RASGRF2: variants seen among roughly 807,000 people sequenced by gnomAD.
The protein encoded by RASGRF2 is ras-specific guanine nucleotide-releasing factor 2.
A neutral mutation model predicts 151.0 loss-of-function variants in RASGRF2; 76 were observed. The ratio of observed to expected loss-of-function variants is 0.50; its 90% CI spans 0.42 to 0.61. The LOEUF (loss-of-function observed/expected upper bound fraction) is 0.61. RASGRF2 is among the 20% of genes least tolerant of loss of function. The pLI, the probability that RASGRF2 is intolerant of heterozygous loss-of-function variation, is 0.00. For missense variants in RASGRF2, 1,148 were observed against 1,564.6 expected, an observed-to-expected ratio of 0.73 and a Z score of 4.49; for synonymous variants, 504 against 566.5, an observed-to-expected ratio of 0.89 and a Z score of 1.57.
At chr5:80,964,210 G>C (rs953047397) in intron 1 of RASGRF2, among the ~76,000 whole-genome samples, 1 of 152,098 alleles carries the variant, frequency 6.6e-6, no homozygotes, top group Admixed American at 6.5e-5. Context: ...GATAGCAATG[G>C]TGATATAATC....
intron 17 of RASGRF2, among the ~76,000 whole-genome samples, chr5:81,134,937 AATT>A (rs1753717289): frequency 2.0e-5 from 3 of 151,792 alleles, no homozygotes; most frequent in African/African-American, 7.2e-5. Flanking sequence ...CTGTTGTAGT[AATT>A]ATTCTCTAGT....
At chr5:81,108,902 T>G (rs1752920521) in intron 12 of RASGRF2, 94 bp from the exon 13 acceptor site, 7 of 1,426,118 alleles carry the variant, frequency 4.9e-6, no homozygotes, top group South Asian at 1.5e-5. Context: ...GAGAGAGAAA[T>G]TGAATGGATT....
At chr5:81,008,139 C>CTTTTTTTTTTTTTTTTTTTTTTT (rs58105434) in intron 1 of RASGRF2, among the ~76,000 whole-genome samples, 8 of 85,388 alleles carry the variant, frequency 9.4e-5, no homozygotes, top group Admixed American at 1.5e-4. Flanking sequence ...TCTTTCTTTC[C>CTTTTTTTTTTTTTTTTTTTTTTT]TTTTTTTTTT....
chr5:81,081,532 C>T (rs1053332731), intron 7 of RASGRF2, among the ~76,000 whole-genome samples: 4 of 152,152 alleles, frequency 2.6e-5, no homozygotes, highest in Admixed American at 1.3e-4. Flanking sequence ...TGAAAAGTGT[C>T]GATTCTGTTC....
At chr5:81,031,897 C>A (rs568982901) in intron 1 of RASGRF2, among the ~76,000 whole-genome samples, 1 of 151,794 alleles carries the variant, frequency 6.6e-6, no homozygotes, top group African/African-American at 2.4e-5. Flanking sequence ...ATTGATAGAC[C>A]GCTAGCAAGA....
intron 5 of RASGRF2, among the ~76,000 whole-genome samples, chr5:81,075,007 G>A (rs1751895407): frequency 6.6e-6 from 1 of 152,178 alleles, no homozygotes; most frequent in Non-Finnish European, 1.5e-5. Context: ...AGCAGAGAAG[G>A]GGTGTGATGT....
chr5:81,122,070 G>A, intron 15 of RASGRF2, among the ~76,000 whole-genome samples: 1 of 152,190 alleles, frequency 6.6e-6, no homozygotes, highest in South Asian at 2.1e-4. Context: ...TATGCCAGAA[G>A]GAATTCTCCC....
chr5:81,109,517 T>C (rs1371370774), intron 13 of RASGRF2, among the ~76,000 whole-genome samples: 1 of 152,090 alleles, frequency 6.6e-6, no homozygotes, highest in Non-Finnish European at 1.5e-5. Context: ...ATACAAAAAG[T>C]TAGCCGGGCA....
intron 19 of RASGRF2, among the ~76,000 whole-genome samples, chr5:81,206,021 T>A (rs769110312): frequency 7.9e-5 from 12 of 152,194 alleles, no homozygotes; most frequent in Non-Finnish European, 1.3e-4. Flanking sequence ...GCTTTGAGTA[T>A]GTGCTTGTGC....
rs1436350967 is a variant in RASGRF2, at chr5:81,123,686, T to C, written c.2515T>C (p.Ser839Pro). The C allele has an allele frequency of 6.2e-7, 1 of 1,613,802 alleles. No homozygotes were observed. Among genetic ancestry groups the C allele is most frequent in the African/African-American group, 1.3e-5 (1 of 74,954 alleles). Residue 839 changes from serine to proline, a missense_variant, in exon 16 of 27, where the codon TCC becomes CCC. Physicochemically the swap from Ser to Pro is moderately conservative, Grantham distance 74 (BLOSUM62 -1). Around this residue, in one of 5 missense-constraint regions of RASGRF2, gnomAD observed 646 missense variants for 807.4 expected, o/e 0.80. Transcript: ENST00000265080. ...AGCGGACCGAGCAGGAGTGGAAAGC[T>C]CCCCTGCAGCGGACACCACAGAACT... ...APADRAGVES[S>P]PAADTTELSP...
chr5:81,079,291 T>C (rs1040275399), intron 5 of RASGRF2, among the ~76,000 whole-genome samples: 1 of 152,226 alleles, frequency 6.6e-6, no homozygotes, highest in Non-Finnish European at 1.5e-5. Context: ...TAAATTGTTA[T>C]AAAAGAAAAA....
At chr5:81,058,082 T>C (rs1017823185) in intron 2 of RASGRF2, among the ~76,000 whole-genome samples, 27 of 152,236 alleles carry the variant, frequency 1.8e-4, no homozygotes, top group African/African-American at 6.0e-4. Flanking sequence ...TTAATTCTTA[T>C]AAATATTACA....
At chr5:81,030,689 C>A (rs1460151811) in intron 1 of RASGRF2, among the ~76,000 whole-genome samples, 1 of 152,170 alleles carries the variant, frequency 6.6e-6, no homozygotes, top group Non-Finnish European at 1.5e-5. Context: ...CCAGCCACTG[C>A]AAAAACAGGC....
chr5:81,120,600 A>G (rs991974982), intron 15 of RASGRF2, among the ~76,000 whole-genome samples: 2 of 152,118 alleles, frequency 1.3e-5, no homozygotes, highest in Admixed American at 6.6e-5. Flanking sequence ...CAAAAAACAA[A>G]GACAAAAATA....
intron 15 of RASGRF2, among the ~76,000 whole-genome samples, chr5:81,114,339 CTG>C (rs1299299954): frequency 1.3e-5 from 2 of 152,236 alleles, no homozygotes; most frequent in African/African-American, 4.8e-5. Context: ...CCTTAGGTAC[CTG>C]TGTACCTCCA....
chr5:81,178,958 T>C (rs1399309308), intron 17 of RASGRF2, among the ~76,000 whole-genome samples: 1 of 152,182 alleles, frequency 6.6e-6, no homozygotes, highest in Non-Finnish European at 1.5e-5. Flanking sequence ...CGGGATGGTC[T>C]GGATCTCCTG....
intron 7 of RASGRF2, 123 bp downstream of exon 7, chr5:81,080,912 C>A: frequency 1.2e-6 from 1 of 831,496 alleles, no homozygotes; most frequent in Non-Finnish European, 1.9e-6. Context: ...GATGTACCAT[C>A]TGTTGCTGTC....
intron 17 of RASGRF2, among the ~76,000 whole-genome samples, chr5:81,151,078 A>G (rs992557134): frequency 6.6e-6 from 1 of 152,216 alleles, no homozygotes; most frequent in Non-Finnish European, 1.5e-5. Flanking sequence ...TCACAGCTAT[A>G]TGTGAAAGGC....
chr5:81,192,642 G>A (rs1268664677), intron 18 of RASGRF2, among the ~76,000 whole-genome samples: 1 of 152,232 alleles, frequency 6.6e-6, no homozygotes, highest in Non-Finnish European at 1.5e-5. Context: ...CCCTGGAAGA[G>A]GGTTTCAATG....
Sources: gnomAD v4.1 joint callset for allele counts (sites outside exome capture counted in the v4.1 genomes callset) on GRCh38, gnomAD v4.1.1 for gene constraint, gnomAD v4.1.1 regional missense constraint, MANE v1.5 for transcripts, NCBI Gene and HGNC (gene_info 2026-07-23, HGNC 2026-07-21) for gene names.